ERBB4: variants seen among roughly 807,000 people sequenced by gnomAD.
The protein encoded by ERBB4 is receptor tyrosine-protein kinase erbB-4.
ERBB4 carries 42 observed loss-of-function variants against 158.0 expected under a neutral mutation model. The observed-to-expected ratio is 0.27, with a 90% CI of 0.21 to 0.34. The LOEUF (loss-of-function observed/expected upper bound fraction) is 0.34, where lower values mean the gene tolerates loss of function less well. Ranked by LOEUF, ERBB4 falls within the 10% of genes least tolerant of loss-of-function variation. The probability of loss-of-function intolerance (pLI) is 1.00; values close to 1 mark genes in which losing one functional copy is unlikely to be tolerated. For synonymous variants in ERBB4, 583 were observed against 558.7 expected (o/e 1.04, Z -0.61); for missense variants, 1,333 against 1,624.1 (o/e 0.82, Z 3.08).
intron 3 of ERBB4, among the ~76,000 whole-genome samples, chr2:211,940,907 G>A (rs2080475496): frequency 1.3e-5 from 2 of 151,794 alleles, no homozygotes; most frequent in Admixed American, 1.3e-4. Flanking sequence ...AGTTGTCTGA[G>A]AATAAGTCCC....
At chr2:212,121,573 T>C (rs191023151) in intron 2 of ERBB4, among the ~76,000 whole-genome samples, 63 of 152,268 alleles carry the variant, frequency 4.1e-4, no homozygotes, top group African/African-American at 1.5e-3. Flanking sequence ...GACTACCTTA[T>C]CCAATTACAA....
intron 1 of ERBB4, among the ~76,000 whole-genome samples, chr2:212,324,189 C>A (rs1353341263): frequency 2.0e-5 from 3 of 150,536 alleles, no homozygotes; most frequent in Non-Finnish European, 4.5e-5. Context: ...TAAGGTAAAG[C>A]CAAAAGTGTT....
At chr2:211,558,835 T>C (rs2067308195) in intron 20 of ERBB4, among the ~76,000 whole-genome samples, 1 of 152,090 alleles carries the variant, frequency 6.6e-6, no homozygotes, top group African/African-American at 2.4e-5. Context: ...TTAAAAATAA[T>C]TACTATATAT....
chr2:212,377,673 G>A (rs1251923358), intron 1 of ERBB4, among the ~76,000 whole-genome samples: 1 of 151,840 alleles, frequency 6.6e-6, no homozygotes, highest in African/African-American at 2.4e-5. Context: ...TAAATGTGAA[G>A]GCCTAGGGCA....
intron 7 of ERBB4, among the ~76,000 whole-genome samples, chr2:211,715,227 G>GGGGCAAA (rs2073853594): frequency 6.6e-6 from 1 of 152,130 alleles, no homozygotes; most frequent in African/African-American, 2.4e-5. Flanking sequence ...AAGGGAATCT[G>GGGGCAAA]GTGCAAAGAA....
At chr2:211,613,559 A>C in intron 19 of ERBB4, among the ~76,000 whole-genome samples, 1 of 152,072 alleles carries the variant, frequency 6.6e-6, no homozygotes, top group East Asian at 1.9e-4. Flanking sequence ...AGCTCAAACA[A>C]TTCTATACGA....
intron 1 of ERBB4, among the ~76,000 whole-genome samples, chr2:212,368,982 T>G (rs2089991547): frequency 6.6e-6 from 1 of 152,254 alleles, no homozygotes; most frequent in East Asian, 1.9e-4. Flanking sequence ...GCCAACCTTC[T>G]GAATTAGAAT....
intron 2 of ERBB4, among the ~76,000 whole-genome samples, chr2:211,978,392 G>GTCTTTCTATCTATCTA (rs1165469722): frequency 0.016 from 1,685 of 102,292 alleles, 20 homozygotes; most frequent in East Asian, 0.03. Context: ...CTGTCTGTCT[G>GTCTTTCTATCTATCTA]TCTGTCTATC....
chr2:211,424,687 C>A (rs763604963), intron 22 of ERBB4, among the ~76,000 whole-genome samples: 6 of 152,042 alleles, frequency 3.9e-5, no homozygotes, highest in Admixed American at 2.0e-4. Flanking sequence ...AATAAATATG[C>A]TTTTGCCAGT....
intron 3 of ERBB4, among the ~76,000 whole-genome samples, chr2:211,933,763 G>T (rs1575399278): frequency 6.6e-6 from 1 of 151,936 alleles, no homozygotes. Context: ...TGAGAGAGGG[G>T]TTAGACGATC....
At chr2:212,465,851 A>G (rs1369462998) in intron 1 of ERBB4, among the ~76,000 whole-genome samples, 1 of 152,238 alleles carries the variant, frequency 6.6e-6, no homozygotes, top group African/African-American at 2.4e-5. Flanking sequence ...TGCTACAAAC[A>G]AACTTCGAAT....
At chr2:211,925,376 CTTTT>C (rs71054150) in intron 3 of ERBB4, among the ~76,000 whole-genome samples, 7 of 81,574 alleles carry the variant, frequency 8.6e-5, no homozygotes, top group African/African-American at 2.5e-4. Context: ...AACAAGACTG[CTTTT>C]TTTTTTTTTT....
intron 2 of ERBB4, among the ~76,000 whole-genome samples, chr2:212,039,164 T>C (rs1264902016): frequency 2.0e-5 from 3 of 152,112 alleles, no homozygotes; most frequent in Admixed American, 6.6e-5. Context: ...AAAGAAGTAA[T>C]TTCTGCTTTC....
intron 1 of ERBB4, among the ~76,000 whole-genome samples, chr2:212,395,177 C>T (rs1266465883): frequency 6.6e-6 from 1 of 151,942 alleles, no homozygotes; most frequent in African/African-American, 2.4e-5. Flanking sequence ...TCTTTGGTCT[C>T]CTCCTTAATT....
chr2:212,017,428 GAAA>G, intron 2 of ERBB4, among the ~76,000 whole-genome samples: 1 of 152,156 alleles, frequency 6.6e-6, no homozygotes, highest in African/African-American at 2.4e-5. Context: ...TCTCAAGTAT[GAAA>G]AGATTGAGAA....
At chr2:211,622,550 TTAAA>T (rs1285439308) in intron 18 of ERBB4, among the ~76,000 whole-genome samples, 2 of 152,144 alleles carry the variant, frequency 1.3e-5, no homozygotes, top group Non-Finnish European at 2.9e-5. Context: ...ATATTTTTTG[TTAAA>T]TAAATCTCTG....
intron 2 of ERBB4, among the ~76,000 whole-genome samples, chr2:212,109,082 G>T (rs527416000): frequency 6.6e-6 from 1 of 152,266 alleles, no homozygotes; most frequent in South Asian, 2.1e-4. Context: ...ATGGATCATT[G>T]TGGGAATGTA....
At chr2:212,463,954 T>G (rs1688704360) in intron 1 of ERBB4, among the ~76,000 whole-genome samples, 1 of 151,972 alleles carries the variant, frequency 6.6e-6, no homozygotes, top group Non-Finnish European at 1.5e-5. Flanking sequence ...ATTTCCTACC[T>G]GCTCTTACCC....
intron 3 of ERBB4, among the ~76,000 whole-genome samples, chr2:211,944,164 C>CTATATATA (rs71397155): frequency 2.0e-5 from 2 of 100,888 alleles, no homozygotes; most frequent in Non-Finnish European, 3.7e-5. Flanking sequence ...TATATATACA[C>CTATATATA]TATATATATA....
Sources: allele counts gnomAD v4.1 joint callset (sites outside exome capture counted in the v4.1 genomes callset), GRCh38; gene constraint gnomAD v4.1.1; transcripts MANE v1.5; gene names NCBI Gene and HGNC (gene_info 2026-07-23, HGNC 2026-07-21).